The following ITIH1 variants were observed in gnomAD, a reference collection of about 807,000 sequenced individuals.
ITIH1 encodes the protein inter-alpha-trypsin inhibitor heavy chain 1.
In ITIH1, 94 loss-of-function variants were observed where a neutral mutation model predicts 104.6. The observed-to-expected ratio is 0.90, with a 90% CI of 0.76 to 1.07. The LOEUF (loss-of-function observed/expected upper bound fraction) is 1.07. Among genes scored for constraint, ITIH1 ranks in the 50% least tolerant of loss-of-function variants. The pLI is 0.00. For missense variants in ITIH1, 1,193 were observed against 1,181.4 expected, an observed-to-expected ratio of 1.01 and a Z score of -0.14; for synonymous variants, 455 against 464.4, an observed-to-expected ratio of 0.98 and a Z score of 0.26.
chr3:52,786,937 GA>G lies in ITIH1; in HGVS notation c.1734-6del, dbSNP rs1559464546. ...GGGGCTTGGAGCCAGCCTCTGTCTT[GA>G]ATGCAGGATGAAGGTGGACAGGGAG... is the stretch of plus-strand genomic sequence containing the variant. On this transcript the variant is annotated splice_region_variant and splice_polypyrimidine_tract_variant and intron_variant, in intron 13 of 21. Transcript: ENST00000273283. 5 of 1,607,634 alleles carry G rather than the reference GA, an allele frequency of 3.1e-6. No individual in the cohort carries two copies. Among genetic ancestry groups the G allele is most frequent in the Non-Finnish European group, 4.3e-6 (5 of 1,175,988 alleles).
chr3:52,778,596 G>A lies in ITIH1; in HGVS notation c.305+90G>A, dbSNP rs572341721. 43 of 1,570,540 alleles carry A rather than the reference G, an allele frequency of 2.7e-5. No homozygotes were observed. In the East Asian group the frequency reaches 7.2e-4, roughly 26 times the overall value. ...ACAAGGATCGGAGTGGCCAGATAAC[G>A]CAGAGCATCTCCTCATTCTAGAAGG... On this transcript the variant is annotated intron_variant, in intron 3 of 21. Coordinates refer to ENST00000273283, the MANE Select transcript of ITIH1 (RefSeq NM_002215.4).
rs1029518289 is a variant in ITIH1, at chr3:52,778,675, T to C, written c.305+169T>C. 4 of 1,446,566 alleles carry C rather than the reference T, an allele frequency of 2.8e-6. No individual in the cohort carries two copies. In the Admixed American group the frequency reaches 8.2e-5, roughly 30 times the overall value. 89.6% of individuals were successfully genotyped at this position (1,446,566 alleles called of 1,614,324 possible). A position where few individuals can be genotyped will look rare whatever the true frequency, so the allele number is the denominator to read the frequency against. On this transcript the variant is annotated intron_variant, in intron 3 of 21. Coordinates refer to ENST00000273283, the MANE Select transcript of ITIH1 (RefSeq NM_002215.4). ...AGGAAGAAGCCCTTTAGGTCTGTGC[T>C]TGGCTCCCATCTTGGAGGCAAACTG...
At chr3:52,791,417 C>T (rs1053001402) in intron 20 of ITIH1, 100 bp from the exon 21 acceptor site, 35 of 849,556 alleles carry the variant, frequency 4.1e-5, no homozygotes, top group African/African-American at 6.8e-5. Flanking sequence ...GGAAAAAAAG[C>T]GGTCCAGCAA....
intron 18 of ITIH1, among the ~76,000 whole-genome samples, 158 bp from the exon 19 acceptor site, chr3:52,789,495 G>A (rs562478172): frequency 9.1e-4 from 139 of 152,300 alleles, no homozygotes; most frequent in African/African-American, 3.2e-3. Context: ...AGGTGGTGCT[G>A]TGTGCGGGAC....
At position 52,779,051 on chromosome 3, in the gene ITIH1, G is replaced by C. The variant is rs774408310; in HGVS notation, c.410+5G>C. 3.8e-6 allele frequency: 6 copies of C among 1,595,838 alleles called. No homozygotes were observed. The Admixed American group carries it at 5.0e-5, about 13-fold the overall frequency. On this transcript the variant is annotated splice_donor_5th_base_variant and intron_variant, in intron 4 of 21. Transcript: ENST00000273283. The surrounding 1 kb of genome is among the most constrained non-coding windows in gnomAD (Gnocchi z 4.4). ...AGAGAATGCCGGCCTTGTCAGGTGAGTTCTGGGCCTGCTGGTCTCATCTCT... is the reference window on the plus strand; with the variant it reads ...AGAGAATGCCGGCCTTGTCAGGTGACTTCTGGGCCTGCTGGTCTCATCTCT...
chr3:52,791,777 C>T lies in ITIH1; in HGVS notation c.2607-5C>T, dbSNP rs1431083319. 1 of 1,611,644 alleles carries T rather than the reference C, an allele frequency of 6.2e-7. No homozygotes were observed. ...GGTGACCCCAGCTGACTTGTCTCTG[C>T]ACAGGGGTTTGCAAAAAGACTACAG... On this transcript the variant is annotated splice_polypyrimidine_tract_variant and splice_region_variant and intron_variant, in intron 21 of 21. Coordinates refer to ENST00000273283, the MANE Select transcript of ITIH1 (RefSeq NM_002215.4).
chr3:52,778,079 CA>C, intron 2 of ITIH1, 62 bp downstream of exon 2: 2 of 1,583,194 alleles, frequency 1.3e-6, no homozygotes, highest in South Asian at 2.2e-5. Flanking sequence ...TTGCTTTCCC[CA>C]ACCTGTCAGG....
rs754521632 is a variant in ITIH1, at chr3:52,791,506, T to C, written c.2495-11T>C. On this transcript the variant is annotated splice_polypyrimidine_tract_variant and intron_variant, in intron 20 of 21. Coordinates refer to ENST00000273283, the MANE Select transcript of ITIH1 (RefSeq NM_002215.4). ...GAGATGGTAACCGCTGTCTCCAATG[T>C]GCCTTTCTAGGGCAATTTTTCCACC... 1.9e-6 allele frequency: 3 copies of C among 1,609,014 alleles called. No homozygotes were observed. The Admixed American group carries it at 5.0e-5, about 27-fold the overall frequency.
chr3:52,778,087 CA>C (rs1187258539), intron 2 of ITIH1, 70 bp downstream of exon 2: 2 of 1,533,936 alleles, frequency 1.3e-6, no homozygotes, highest in Non-Finnish European at 1.8e-6. Flanking sequence ...CCCAACCTGT[CA>C]GGGGTGGACC....
rs1009065550 is a variant in ITIH1 at position 52,787,623 on chromosome 3, G to A, written c.1924+11G>A. On this transcript the variant is annotated intron_variant, in intron 16 of 21. Transcript: ENST00000273283. Reference sequence around the variant, plus strand: ...TGGGACCCAGAAGGAGTAAGTGGCAGCCATCCTGGCCATTCACATCTCTAC... The same window carrying A: ...TGGGACCCAGAAGGAGTAAGTGGCAACCATCCTGGCCATTCACATCTCTAC... 1.9e-6 allele frequency: 3 copies of A among 1,613,904 alleles called. No homozygotes were observed. The African/African-American group carries it at 4.0e-5, about 22-fold the overall frequency.
At chr3:52,781,765 A>G (rs1055602633) in intron 6 of ITIH1, among the ~76,000 whole-genome samples, 175 bp from the exon 7 acceptor site, 3 of 152,132 alleles carry the variant, frequency 2.0e-5, no homozygotes, top group Non-Finnish European at 4.4e-5. Context: ...CATCTCTCCC[A>G]CCACCTACAG....
rs200805624 is a variant in ITIH1 at position 52,787,169 on chromosome 3, C to T, written c.1889-19C>T. ...AAACCTCTGGGGCTCTAATTATTTT[C>T]TCTTTCTCTCCCTTCCAGATTCTCC... is the stretch of plus-strand genomic sequence containing the variant. On this transcript the variant is annotated intron_variant, in intron 14 of 21. Transcript: ENST00000273283. 2 of 1,614,038 alleles carry T rather than the reference C, an allele frequency of 1.2e-6. No homozygotes were observed. The highest frequency in any genetic ancestry group is 1.7e-6 in the Non-Finnish European group (2 of 1,180,036).
rs1044022089 is a variant in ITIH1, at chr3:52,779,315, C to A, written c.411-117C>A. On this transcript the variant is annotated intron_variant, in intron 4 of 21. Transcript: ENST00000273283. The surrounding 1 kb of genome is among the most constrained non-coding windows in gnomAD (Gnocchi z 4.4). Reference sequence around the variant, plus strand: ...AACACATTTGTGAGGTCCAGGGAAACCTGGGAGCAACACTCATCTAAGAGA... The same window carrying A: ...AACACATTTGTGAGGTCCAGGGAAAACTGGGAGCAACACTCATCTAAGAGA... The A allele has an allele frequency of 7.7e-6, 9 of 1,173,052 alleles. No individual in the cohort carries two copies. Among genetic ancestry groups the A allele is most frequent in the Non-Finnish European group, 9.9e-6 (8 of 804,060 alleles). The allele number at this position is 1,173,052 out of a possible 1,614,324, so 72.7% of individuals were successfully genotyped here.
chr3:52,789,365 G>A (rs576595449), intron 18 of ITIH1, among the ~76,000 whole-genome samples: 1 of 152,184 alleles, frequency 6.6e-6, no homozygotes, highest in South Asian at 2.1e-4. Flanking sequence ...GAGGGGCTGG[G>A]GCCACAGAGA....
At chr3:52,780,226 C>A in intron 5 of ITIH1, 43 bp from the exon 6 acceptor site, 1 of 1,473,868 alleles carries the variant, frequency 6.8e-7, no homozygotes, top group Non-Finnish European at 9.3e-7. Flanking sequence ...AAAGCAAGAT[C>A]CCATCTTTTT....
chr3:52,784,950 A>T (rs1328810016), intron 11 of ITIH1, 94 bp from the exon 12 acceptor site: 13 of 1,291,030 alleles, frequency 1.0e-5, no homozygotes, highest in Non-Finnish European at 1.3e-5. Flanking sequence ...TTCCTTCTCT[A>T]ACTTGGGAAT....
chr3:52,779,758 C>T lies in ITIH1; in HGVS notation c.573+164C>T. On this transcript the variant is annotated intron_variant, in intron 5 of 21. Coordinates refer to ENST00000273283, the MANE Select transcript of ITIH1 (RefSeq NM_002215.4). The surrounding 1 kb of genome is among the most constrained non-coding windows in gnomAD (Gnocchi z 4.4). ...TGATGTGCTCTTCTTGGGCAGGGAACTCCCTGAATTCTCTAACTTCCTCTT... is the reference window on the plus strand; with the variant it reads ...TGATGTGCTCTTCTTGGGCAGGGAATTCCCTGAATTCTCTAACTTCCTCTT... The T allele has an allele frequency of 2.9e-6, 3 of 1,039,352 alleles. No individual in the cohort carries two copies. Among genetic ancestry groups the T allele is most frequent in the Non-Finnish European group, 4.2e-6 (3 of 708,890 alleles). 64.4% of individuals were successfully genotyped at this position (1,039,352 alleles called of 1,614,324 possible). A position where few individuals can be genotyped will look rare whatever the true frequency, so the allele number is the denominator to read the frequency against.
At chr3:52,786,145 A>G (rs1295836854) in intron 12 of ITIH1, 150 bp from the exon 13 acceptor site, 5 of 761,570 alleles carry the variant, frequency 6.6e-6, no homozygotes, top group Non-Finnish European at 1.0e-5. Context: ...GAATCAACGA[A>G]TAGGATGAGG....
At chr3:52,778,648 G>A in intron 3 of ITIH1, 142 bp downstream of exon 3, 1 of 1,472,124 alleles carries the variant, frequency 6.8e-7, no homozygotes, top group Non-Finnish European at 9.0e-7. Context: ...GGCTTTGAGG[G>A]GAGGAAGAAG....
Sources: allele counts gnomAD v4.1 joint callset (sites outside exome capture counted in the v4.1 genomes callset), GRCh38; gene constraint gnomAD v4.1.1; non-coding constraint Gnocchi (gnomAD v3.1); transcripts MANE v1.5; gene names NCBI Gene and HGNC (gene_info 2026-07-23, HGNC 2026-07-21).